ARHGEF28: variants seen among roughly 807,000 people sequenced by gnomAD.
ARHGEF28 encodes 190 kDa guanine nucleotide exchange factor.
In ARHGEF28, 152 loss-of-function variants were observed where a neutral mutation model predicts 206.6. The observed-to-expected ratio is 0.74, with a 90% CI of 0.64 to 0.84. The LOEUF is 0.84. Among genes scored for constraint, ARHGEF28 ranks in the 40% least tolerant of loss-of-function variants. ARHGEF28 has a pLI of 0.00. For missense variants in ARHGEF28, 2,028 were observed against 2,073.2 expected (o/e 0.98, Z 0.42); for synonymous variants, 763 against 776.4 (o/e 0.98, Z 0.29).
intron 9 of ARHGEF28, among the ~76,000 whole-genome samples, chr5:73,807,777 C>T (rs1384748455): frequency 3.9e-5 from 6 of 151,968 alleles, no homozygotes; most frequent in South Asian, 4.1e-4. Context: ...TGAGCCACCA[C>T]GTCTGGCTCA....
intron 9 of ARHGEF28, among the ~76,000 whole-genome samples, chr5:73,822,593 G>A (rs1051470898): frequency 1.3e-5 from 2 of 152,110 alleles, no homozygotes; most frequent in African/African-American, 2.4e-5. Flanking sequence ...AGGAATGGGC[G>A]AGGAGATGAA....
At chr5:73,916,167 A>C (rs1232256780) in intron 35 of ARHGEF28, among the ~76,000 whole-genome samples, 1 of 152,042 alleles carries the variant, frequency 6.6e-6, no homozygotes, top group East Asian at 1.9e-4. Context: ...CTTAGTATTT[A>C]AATAAGTCTT....
At chr5:73,730,728 G>T (rs890206708) in intron 2 of ARHGEF28, among the ~76,000 whole-genome samples, 2 of 151,822 alleles carry the variant, frequency 1.3e-5, no homozygotes, top group East Asian at 1.9e-4. Context: ...TAGAGACAAG[G>T]TTTTGCCATG....
chr5:73,879,060 A>T (rs1266456364), intron 22 of ARHGEF28, among the ~76,000 whole-genome samples: 2 of 152,192 alleles, frequency 1.3e-5, no homozygotes, highest in Admixed American at 6.5e-5. Context: ...TTTCAGGTAC[A>T]CCAAGCAGAC....
At chr5:73,897,784 G>T (rs539702786) in intron 29 of ARHGEF28, among the ~76,000 whole-genome samples, 178 bp from the exon 30 acceptor site, 1 of 152,166 alleles carries the variant, frequency 6.6e-6, no homozygotes, top group Non-Finnish European at 1.5e-5. Flanking sequence ...TGTGGTGTGC[G>T]CGCGTGCGTA....
rs772973049 is a variant in ARHGEF28 at position 73,904,342 on chromosome 5, C to A, written c.4114-16C>A. ...AGCTTTTTCAAGAATTTGACACTTACAATTTTGTTTTTCAGATTATACAAG... is the reference window on the plus strand; with the variant it reads ...AGCTTTTTCAAGAATTTGACACTTAAAATTTTGTTTTTCAGATTATACAAG... On this transcript the variant is annotated splice_polypyrimidine_tract_variant and intron_variant, in intron 32 of 35. Transcript: ENST00000513042. 2 of 1,613,154 alleles carry A rather than the reference C, an allele frequency of 1.2e-6. No homozygotes were observed. The highest frequency in any genetic ancestry group is 3.3e-5 in the Admixed American group (2 of 59,936).
intron 2 of ARHGEF28, among the ~76,000 whole-genome samples, chr5:73,694,932 G>A (rs981638165): frequency 7.9e-5 from 12 of 152,196 alleles, no homozygotes; most frequent in East Asian, 5.8e-4. Flanking sequence ...GTAGGTAAAC[G>A]AATAAACAAA....
chr5:73,794,327 C>A, intron 7 of ARHGEF28, 75 bp from the exon 8 acceptor site: 1 of 1,241,600 alleles, frequency 8.1e-7, no homozygotes, highest in Non-Finnish European at 1.1e-6. Flanking sequence ...CTCATTTACA[C>A]TTGTCAGCTA....
In ARHGEF28 at chr5:73,918,859, A is replaced by C. The variant is rs905385644; in HGVS notation, c.4948+7284A>C. Reference sequence around the variant, plus strand: ...AACAAAAAAAAATACAGGTTCCTCTATTCAGAGATTGTGATTTGAATCAGG... The same window carrying C: ...AACAAAAAAAAATACAGGTTCCTCTCTTCAGAGATTGTGATTTGAATCAGG... On this transcript the variant is annotated intron_variant, in intron 35 of 35. Transcript: ENST00000513042. Among the ~76,000 whole-genome samples the C allele has an allele frequency of 9.8e-5, 15 of 152,312 alleles. No homozygotes were observed. The East Asian group carries it at 2.9e-3, about 29-fold the overall frequency.
intron 16 of ARHGEF28, among the ~76,000 whole-genome samples, chr5:73,862,147 A>G (rs7737502): frequency 0.028 from 4,212 of 152,254 alleles, 222 homozygotes; most frequent in African/African-American, 0.096. Flanking sequence ...CTATAAAATT[A>G]CCCTTGCTTA....
At chr5:73,932,735 A>G (rs955113214) in intron 35 of ARHGEF28, among the ~76,000 whole-genome samples, 1 of 149,618 alleles carries the variant, frequency 6.7e-6, no homozygotes, top group Non-Finnish European at 1.5e-5. Flanking sequence ...GAAACCTACT[A>G]CTATTATGAC....
In ARHGEF28 at chr5:73,807,793, A is replaced by G. The variant is rs189902461; in HGVS notation, c.1024+12402A>G. The stretch of plus-strand genomic sequence containing the variant: ...GAGCCACCACGTCTGGCTCAACAAT[A>G]TAATTCTTTAACATGTGTTGCTTCA... On this transcript the variant is annotated intron_variant, in intron 9 of 35. Transcript: ENST00000513042. Among the ~76,000 whole-genome samples, 7 of 151,998 alleles carry G rather than the reference A, an allele frequency of 4.6e-5. No homozygotes were observed. The East Asian group carries it at 1.4e-3, about 29-fold the overall frequency.
At chr5:73,816,515 T>C (rs1285711719) in intron 9 of ARHGEF28, among the ~76,000 whole-genome samples, 1 of 152,220 alleles carries the variant, frequency 6.6e-6, no homozygotes, top group Non-Finnish European at 1.5e-5. Context: ...TCAGAAATAA[T>C]GTCTGATATG....
intron 30 of ARHGEF28, 21 bp from the exon 31 acceptor site, chr5:73,901,163 G>A (rs1762246660): frequency 1.2e-6 from 2 of 1,605,696 alleles, no homozygotes; most frequent in Non-Finnish European, 8.5e-7. Flanking sequence ...TTTTGTTTCT[G>A]TCTCGATGGC....
intron 9 of ARHGEF28, among the ~76,000 whole-genome samples, chr5:73,797,886 A>G (rs1387013946): frequency 6.6e-6 from 1 of 152,198 alleles, no homozygotes; most frequent in Non-Finnish European, 1.5e-5. Flanking sequence ...GCTGATGGAC[A>G]CATTTTATAG....
intron 35 of ARHGEF28, among the ~76,000 whole-genome samples, chr5:73,914,254 GA>G (rs1362063086): frequency 6.6e-6 from 1 of 152,162 alleles, no homozygotes; most frequent in Non-Finnish European, 1.5e-5. Context: ...TGTCCTTTGA[GA>G]GGGGCAGCTG....
intron 35 of ARHGEF28, among the ~76,000 whole-genome samples, chr5:73,927,041 T>G (rs1763853122): frequency 6.6e-6 from 1 of 152,138 alleles, no homozygotes; most frequent in African/African-American, 2.4e-5. Context: ...TGGGAATTCA[T>G]GTCACCTGGT....
At chr5:73,686,620 G>A (rs941510277) in intron 2 of ARHGEF28, among the ~76,000 whole-genome samples, 30 of 150,522 alleles carry the variant, frequency 2.0e-4, no homozygotes, top group Non-Finnish European at 3.7e-4. Flanking sequence ...CCGGGTTCAC[G>A]CTATTCTTCT....
intron 35 of ARHGEF28, among the ~76,000 whole-genome samples, chr5:73,923,468 C>T (rs1763631587): frequency 6.6e-6 from 1 of 151,602 alleles, no homozygotes; most frequent in Non-Finnish European, 1.5e-5. Context: ...TATCGTTGGT[C>T]TTGGCAAGAC....
Sources: allele counts gnomAD v4.1 joint callset (sites outside exome capture counted in the v4.1 genomes callset), GRCh38; gene constraint gnomAD v4.1.1; transcripts MANE v1.5; gene names NCBI Gene and HGNC (gene_info 2026-07-23, HGNC 2026-07-21).